The following AGPS variants were observed in gnomAD, a reference collection of about 807,000 sequenced individuals.
The protein encoded by AGPS is alkyldihydroxyacetonephosphate synthase, peroxisomal.
Under a neutral mutation model 90.7 loss-of-function variants are expected in AGPS, and 26 were observed. The ratio of observed to expected loss-of-function variants is 0.29; its 90% CI spans 0.21 to 0.40. The LOEUF (loss-of-function observed/expected upper bound fraction) is 0.40. Ranked by LOEUF, AGPS falls within the 10% of genes least tolerant of loss-of-function variation. AGPS has a pLI of 1.00. For synonymous variants in AGPS, 294 were observed against 285.3 expected, an observed-to-expected ratio of 1.03 and a Z score of -0.31; for missense variants, 540 against 816.1, an observed-to-expected ratio of 0.66 and a Z score of 4.12.
At chr2:177,495,844 G>A (rs1286116351) in intron 12 of AGPS, among the ~76,000 whole-genome samples, 4 of 145,292 alleles carry the variant, frequency 2.8e-5, no homozygotes, top group African/African-American at 1.0e-4. Flanking sequence ...CTTGAACCGG[G>A]GAGGCAGAGG....
chr2:177,541,567 A>C lies in AGPS; in HGVS notation c.*3372A>C, dbSNP rs1209676782. The stretch of plus-strand genomic sequence containing the variant: ...TCTATATCTTAAAAAACACTCAGAC[A>C]GGAGTTAAGGACAGCTTTAATAATT... On this transcript the variant is annotated 3_prime_UTR_variant, in exon 20 of 20. Transcript: ENST00000264167. 6.6e-6 allele frequency: 1 copy of C among 152,202 alleles called. No individual in the cohort carries two copies. Among genetic ancestry groups the C allele is most frequent in the African/African-American group, 2.4e-5 (1 of 41,460 alleles). The allele number at this position is 152,202 out of a possible 1,614,324, so 9.4% of individuals were successfully genotyped here. A position where few individuals can be genotyped will look rare whatever the true frequency, so the allele number is the denominator to read the frequency against.
intron 15 of AGPS, among the ~76,000 whole-genome samples, chr2:177,506,044 TC>T (rs1688700560): frequency 6.6e-6 from 1 of 151,950 alleles, no homozygotes; most frequent in Non-Finnish European, 1.5e-5. Flanking sequence ...CTCAAATGTT[TC>T]TAATTCTAGA....
chr2:177,418,611 T>C (rs1457345704), intron 1 of AGPS, among the ~76,000 whole-genome samples: 1 of 151,986 alleles, frequency 6.6e-6, no homozygotes, highest in Non-Finnish European at 1.5e-5. Flanking sequence ...TTATAAGCCA[T>C]TAAAGATGTT....
At chr2:177,411,323 G>A (rs150657962) in intron 1 of AGPS, among the ~76,000 whole-genome samples, 1,584 of 152,284 alleles carry the variant, frequency 0.01, 11 homozygotes, top group Middle Eastern at 0.027. Flanking sequence ...CTCCAGAAAC[G>A]TGGTAGGATT....
chr2:177,434,716 A>G (rs1215178013), intron 3 of AGPS, among the ~76,000 whole-genome samples: 2 of 152,096 alleles, frequency 1.3e-5, no homozygotes, highest in African/African-American at 4.8e-5. Flanking sequence ...ATCACAGGGT[A>G]GTAGTGAAGT....
chr2:177,484,561 G>A (rs968538295), intron 11 of AGPS, among the ~76,000 whole-genome samples: 8 of 151,824 alleles, frequency 5.3e-5, no homozygotes, highest in Admixed American at 1.3e-4. Context: ...GGCCAGGCTC[G>A]TCTCGAACTC....
Position 177,496,869 on chromosome 2 carries a change from C to CT in AGPS, c.1286-814dup, listed in dbSNP as rs373941037. ...AAACAAAATCCCCAAACCTTAAAGGCTTTTTTAAAAAAGAAAACTTTTTAT... is the reference window on the plus strand; with the variant it reads ...AAACAAAATCCCCAAACCTTAAAGGCTTTTTTTAAAAAAGAAAACTTTTTAT... On this transcript the variant is annotated intron_variant, in intron 12 of 19. Coordinates refer to ENST00000264167, the MANE Select transcript of AGPS (RefSeq NM_003659.4). Among the ~76,000 whole-genome samples the CT allele has an allele frequency of 6.5e-3, 985 of 152,060 alleles. 9 individuals carry two copies. The highest frequency in any genetic ancestry group is 0.023 in the African/African-American group (945 of 41,530).
intron 5 of AGPS, among the ~76,000 whole-genome samples, chr2:177,438,906 C>A (rs564357181): frequency 4.6e-5 from 7 of 151,916 alleles, no homozygotes; most frequent in Admixed American, 1.3e-4. Flanking sequence ...TTGCAGGAGG[C>A]CTAGTTTTGA....
At chr2:177,451,192 T>C (rs1003455483) in intron 8 of AGPS, among the ~76,000 whole-genome samples, 29 of 151,850 alleles carry the variant, frequency 1.9e-4, no homozygotes, top group African/African-American at 6.8e-4. Context: ...AACTTCTCGC[T>C]TCAACCTACC....
intron 1 of AGPS, among the ~76,000 whole-genome samples, chr2:177,403,886 G>A (rs1574340599): frequency 6.6e-6 from 1 of 152,230 alleles, no homozygotes; most frequent in South Asian, 2.1e-4. Flanking sequence ...TGTTTCCAGT[G>A]TTTCCCTATT....
At chr2:177,457,623 T>G (rs1687159226) in intron 8 of AGPS, among the ~76,000 whole-genome samples, 1 of 151,950 alleles carries the variant, frequency 6.6e-6, no homozygotes, top group Non-Finnish European at 1.5e-5. Flanking sequence ...CCCTCCCAAG[T>G]CTAAGCCAGG....
At chr2:177,534,604 G>T (rs2079167096) in intron 19 of AGPS, among the ~76,000 whole-genome samples, 1 of 126,990 alleles carries the variant, frequency 7.9e-6, no homozygotes, top group African/African-American at 3.0e-5. Context: ...TTTTTTTTGT[G>T]AGCTATGGAG....
intron 1 of AGPS, among the ~76,000 whole-genome samples, chr2:177,413,279 A>T (rs982818264): frequency 6.6e-6 from 1 of 152,158 alleles, no homozygotes; most frequent in Non-Finnish European, 1.5e-5. Context: ...CAGCAGGGGA[A>T]GGGAACTTAG....
rs946061939 is a variant in AGPS at position 177,536,136 on chromosome 2, A to G, written c.1856-1938A>G. Among the ~76,000 whole-genome samples the G allele has an allele frequency of 5.9e-5, 9 of 152,112 alleles. No individual in the cohort carries two copies. In the East Asian group the frequency reaches 9.6e-4, roughly 16 times the overall value. ...ATGGTTCAGTTCCTTGTGGAATTGC[A>G]TTATTACTAGAGGTGTAAAACCAGG... On this transcript the variant is annotated intron_variant, in intron 19 of 19. Coordinates refer to ENST00000264167, the MANE Select transcript of AGPS (RefSeq NM_003659.4).
rs553726223 is a variant in AGPS at position 177,465,117 on chromosome 2, G to T, written c.996+3099G>T. Among the ~76,000 whole-genome samples the T allele has an allele frequency of 5.9e-4, 90 of 152,172 alleles. No individual in the cohort carries two copies. The Middle Eastern group carries it at 0.01, about 17-fold the overall frequency. Reference sequence around the variant, plus strand: ...GAGACCAGCCTGGGCAACAGAGCAAGATGTCATCTCTACAAAAAATTAAAA... The same window carrying T: ...GAGACCAGCCTGGGCAACAGAGCAATATGTCATCTCTACAAAAAATTAAAA... On this transcript the variant is annotated intron_variant, in intron 9 of 19. Transcript: ENST00000264167.
In AGPS at chr2:177,444,836, A is replaced by G. The variant is rs16865286; in HGVS notation, c.790-710A>G. 4.0e-3 allele frequency among the ~76,000 whole-genome samples: 612 copies of G among 152,340 alleles called. 5 individuals are homozygous for G. Among genetic ancestry groups the G allele is most frequent in the East Asian group, 0.032 (168 of 5,188 alleles). On this transcript the variant is annotated intron_variant, in intron 7 of 19. Coordinates refer to ENST00000264167, the MANE Select transcript of AGPS (RefSeq NM_003659.4). ...AGTAGAAAGTAATTCATGAAAATTC[A>G]TATATGTATATAAAAGTTAGGTCAA...
chr2:177,510,736 A>G (rs566854846), intron 16 of AGPS, among the ~76,000 whole-genome samples: 3 of 152,280 alleles, frequency 2.0e-5, no homozygotes, highest in Admixed American at 6.5e-5. Flanking sequence ...AGGCAACTAC[A>G]TTTTTATGTA....
intron 1 of AGPS, among the ~76,000 whole-genome samples, chr2:177,413,034 G>A (rs974565458): frequency 2.0e-5 from 3 of 152,152 alleles, no homozygotes; most frequent in Non-Finnish European, 4.4e-5. Context: ...CAACAGTGGT[G>A]GATGGCAAGT....
chr2:177,396,094 G>A, intron 1 of AGPS, among the ~76,000 whole-genome samples: 1 of 138,534 alleles, frequency 7.2e-6, no homozygotes, highest in Non-Finnish European at 1.6e-5. Context: ...TGGGAGGGTG[G>A]GGGTGGTCAG....
Sources: gnomAD v4.1 joint callset for allele counts (sites outside exome capture counted in the v4.1 genomes callset) on GRCh38, gnomAD v4.1.1 for gene constraint, MANE v1.5 for transcripts, NCBI Gene and HGNC (gene_info 2026-07-23, HGNC 2026-07-21) for gene names.